ZNF200: variants seen among roughly 807,000 people sequenced by gnomAD.
ZNF200 encodes the protein zinc finger protein 200.
A neutral mutation model predicts 33.6 loss-of-function variants in ZNF200; 35 were observed. The ratio of observed to expected loss-of-function variants is 1.04; its 90% confidence interval spans 0.80 to 1.38. The LOEUF (loss-of-function observed/expected upper bound fraction) is 1.38. Among genes scored for constraint, ZNF200 ranks in the 40% most tolerant of loss-of-function variants. The pLI is 0.00. For missense variants in ZNF200, 592 were observed against 470.6 expected, an observed-to-expected ratio of 1.26 and a Z score of -2.39; for synonymous variants, 209 against 167.7, an observed-to-expected ratio of 1.25 and a Z score of -1.90.
intron 4 of ZNF200, among the ~76,000 whole-genome samples, chr16:3,231,523 G>A (rs1476913708): frequency 2.6e-5 from 4 of 152,188 alleles, no homozygotes; most frequent in East Asian, 1.9e-4. Flanking sequence ...ACATTTGTGC[G>A]GGCCTCTGCC....
chr16:3,233,749 C>T lies in ZNF200; in HGVS notation c.7G>A (p.Ala3Thr). The T allele has an allele frequency of 6.2e-7, 1 of 1,609,668 alleles. No individual in the cohort carries two copies. Among genetic ancestry groups the T allele is most frequent in the Non-Finnish European group, 8.5e-7 (1 of 1,177,890 alleles). ...GGGGGCATAGGAACCACTTTTGCAG[C>T]CATCATGCCTTGCAACCACACACCA... MM[A>T]AKVVPMPPKP... Residue 3 changes from alanine (A) to threonine (T), a missense_variant, in exon 2 of 5, where the codon GCT becomes ACT. Coordinates refer to ENST00000414144, the MANE Select transcript of ZNF200 (RefSeq NM_198088.3).
In ZNF200 at chr16:3,224,516, A is replaced by C. The variant is rs1958418831; in HGVS notation, c.564T>G (p.Asp188Glu). Residue 188 changes from aspartate (D) to glutamate (E), a missense_variant, in exon 5 of 5, where the codon GAT (aspartate) becomes GAG (glutamate). By Grantham distance (45) the Asp-to-Glu change is conservative (BLOSUM62 2). Coordinates refer to ENST00000414144, the MANE Select transcript of ZNF200 (RefSeq NM_198088.3). ...REKSSDDDEM[D>E]SSLVSQQPPD... ...GAGGCTGCTGAGAGACCAAGGAAGA[A>C]TCCATTTCATCATCATCTGAAGACT... 1 of 1,614,178 alleles carries C rather than the reference A, an allele frequency of 6.2e-7. No individual in the cohort carries two copies. The highest frequency in any genetic ancestry group is 8.5e-7 in the Non-Finnish European group (1 of 1,180,028).
In ZNF200 at chr16:3,223,800, T is replaced by A. The variant is rs967491291; in HGVS notation, c.*92A>T. On this transcript the variant is annotated 3_prime_UTR_variant, in exon 5 of 5. Coordinates refer to ENST00000414144, the MANE Select transcript of ZNF200 (RefSeq NM_198088.3). Reference sequence around the variant, plus strand: ...GGCAATAATGAGATTTTTACACATTTATACCTTTTTAGGCAGCTTGGGAAT... The same window carrying A: ...GGCAATAATGAGATTTTTACACATTAATACCTTTTTAGGCAGCTTGGGAAT... 1.3e-6 allele frequency: 2 copies of A among 1,495,012 alleles called. No individual in the cohort carries two copies. Among genetic ancestry groups the A allele is most frequent in the African/African-American group, 2.8e-5 (2 of 71,476 alleles). The allele number at this position is 1,495,012 out of a possible 1,614,324, so 92.6% of individuals were successfully genotyped here.
At position 3,224,603 on chromosome 16, in the gene ZNF200, G is replaced by C; in HGVS notation, c.477C>G (p.Gly159=). The change falls in exon 5 of 5, where the codon GGC becomes GGG. Residue 159 remains glycine, a synonymous_variant. Transcript: ENST00000414144. ...VGEMMLLAVN[G]SNPEGEDPER... ...CAGGATCTTCACCTTCAGGATTACTGCCATTGACTGCTGAAACAAAGAGAG... is the reference window on the plus strand; with the variant it reads ...CAGGATCTTCACCTTCAGGATTACTCCCATTGACTGCTGAAACAAAGAGAG... 1 of 1,588,876 alleles carries C rather than the reference G, an allele frequency of 6.3e-7. No individual in the cohort carries two copies. Among genetic ancestry groups the C allele is most frequent in the South Asian group, 1.1e-5 (1 of 88,400 alleles).
In ZNF200 at chr16:3,224,242, A is replaced by G; in HGVS notation, c.838T>C (p.Tyr280His). 6.2e-7 allele frequency: 1 copy of G among 1,614,176 alleles called. No homozygotes were observed. Among genetic ancestry groups the G allele is most frequent in the Non-Finnish European group, 8.5e-7 (1 of 1,180,032 alleles). The change falls in exon 5 of 5, where the codon TAT (tyrosine) becomes CAT (histidine). Residue 280 changes from tyrosine (Y) to histidine (H), a missense_variant. Transcript: ENST00000414144. ...HQRTHTGEKP[Y>H]DCNHCGKSFN... ...CTTTTCCCACAGTGATTACAGTCAT[A>G]GGGTTTTTCTCCAGTGTGGGTCCTC...
Position 3,223,784 on chromosome 16 carries a change from G to A in ZNF200, c.*108C>T. 12 of 1,448,746 alleles carry A rather than the reference G, an allele frequency of 8.3e-6. No individual in the cohort carries two copies. The highest frequency in any genetic ancestry group is 1.5e-5 in the South Asian group (1 of 66,694). 89.7% of individuals were successfully genotyped at this position (1,448,746 alleles called of 1,614,324 possible). On this transcript the variant is annotated 3_prime_UTR_variant, in exon 5 of 5. Transcript: ENST00000414144. ...GCATTTATCCAATTTTGGCAATAAT[G>A]AGATTTTTACACATTTATACCTTTT...
At chr16:3,224,730 A>G in intron 4 of ZNF200, 117 bp from the exon 5 acceptor site, 1 of 1,335,494 alleles carries the variant, frequency 7.5e-7, no homozygotes, top group Admixed American at 2.4e-5. Context: ...GGAGTGGCGG[A>G]TACTGCCGTC....
chr16:3,230,130 C>CCATG (rs1958597109), intron 4 of ZNF200, among the ~76,000 whole-genome samples: 1 of 152,234 alleles, frequency 6.6e-6, no homozygotes, highest in Non-Finnish European at 1.5e-5. Context: ...TCCTCTCTTG[C>CCATG]CATGTGAAGT....
Position 3,224,398 on chromosome 16 carries a change from G to A in ZNF200, c.682C>T (p.Leu228=), listed in dbSNP as rs117357111. Residue 228 remains leucine (L), a synonymous_variant, in exon 5 of 5, where the codon CTA becomes TTA. Coordinates refer to ENST00000414144, the MANE Select transcript of ZNF200 (RefSeq NM_198088.3). ...TCTACATATTTTGAGAGTTCCTCTAGAGGAGTATCATTCTCAATGGTAACT... is the reference window on the plus strand; with the variant it reads ...TCTACATATTTTGAGAGTTCCTCTAAAGGAGTATCATTCTCAATGGTAACT... ...LLVTIENDTP[L]EELSKYVDIS... 47 of 1,614,204 alleles carry A rather than the reference G, an allele frequency of 2.9e-5. No individual in the cohort carries two copies. The highest frequency in any genetic ancestry group is 3.9e-5 in the Non-Finnish European group (46 of 1,180,040).
chr16:3,231,110 C>T (rs1354731178), intron 4 of ZNF200, among the ~76,000 whole-genome samples: 4 of 152,036 alleles, frequency 2.6e-5, no homozygotes, highest in African/African-American at 4.8e-5. Flanking sequence ...CTTCAGGGTA[C>T]GGGTGGAGGA....
chr16:3,232,925 G>T lies in ZNF200; in HGVS notation c.251-4C>A. On this transcript the variant is annotated splice_region_variant and splice_polypyrimidine_tract_variant and intron_variant, in intron 2 of 4. Coordinates refer to ENST00000414144, the MANE Select transcript of ZNF200 (RefSeq NM_198088.3). ...TTCACCAAGGGACGAGGATGCACTG[G>T]GGAAAGAGGAAGGTTTAGTTAGTGA... The T allele has an allele frequency of 6.2e-7, 1 of 1,613,370 alleles. No individual in the cohort carries two copies. Among genetic ancestry groups the T allele is most frequent in the African/African-American group, 1.3e-5 (1 of 75,014 alleles).
chr16:3,232,370 T>C (rs1329235362), intron 4 of ZNF200, 51 bp downstream of exon 4: 1 of 1,594,468 alleles, frequency 6.3e-7, no homozygotes, highest in African/African-American at 1.3e-5. Flanking sequence ...ATGAAGGACA[T>C]GCTTTTCCCA....
intron 4 of ZNF200, among the ~76,000 whole-genome samples, chr16:3,230,869 C>T (rs913158758): frequency 1.3e-5 from 2 of 152,172 alleles, no homozygotes; most frequent in East Asian, 1.9e-4. Flanking sequence ...TACTCTGCCC[C>T]GGGTCCAAAT....
At chr16:3,232,134 G>C (rs987497922) in intron 4 of ZNF200, among the ~76,000 whole-genome samples, 5 of 152,162 alleles carry the variant, frequency 3.3e-5, no homozygotes, top group Non-Finnish European at 7.3e-5. Context: ...TGAGAACAGA[G>C]TTCAGAAAAT....
chr16:3,233,182 G>A (rs1211136918), intron 2 of ZNF200, among the ~76,000 whole-genome samples: 4 of 152,170 alleles, frequency 2.6e-5, no homozygotes, highest in Non-Finnish European at 5.9e-5. Flanking sequence ...TTAGGGCAAC[G>A]TAAAGTGTGA....
intron 4 of ZNF200, among the ~76,000 whole-genome samples, chr16:3,230,736 C>T (rs545913705): frequency 4.7e-4 from 71 of 152,122 alleles, no homozygotes; most frequent in Non-Finnish European, 9.0e-4. Flanking sequence ...ATTGATGGCT[C>T]CCCAATCCCT....
chr16:3,230,097 T>C (rs1958595664), intron 4 of ZNF200, among the ~76,000 whole-genome samples: 1 of 152,210 alleles, frequency 6.6e-6, no homozygotes, highest in South Asian at 2.1e-4. Flanking sequence ...TAAAAGAGCC[T>C]GGCACCTTCC....
intron 2 of ZNF200, 85 bp from the exon 3 acceptor site, chr16:3,233,006 C>T (rs1342709051): frequency 7.3e-6 from 9 of 1,235,478 alleles, no homozygotes; most frequent in Non-Finnish European, 4.6e-6. Flanking sequence ...AGGCTGTCCT[C>T]ATTCCTTTGA....
intron 4 of ZNF200, chr16:3,226,720 T>C (rs2141622242): frequency 6.6e-6 from 1 of 152,344 alleles, no homozygotes. Flanking sequence ...AATAATCTTC[T>C]TTGTACATCA....
Sources: allele counts gnomAD v4.1 joint callset (sites outside exome capture counted in the v4.1 genomes callset), GRCh38; gene constraint gnomAD v4.1.1; transcripts MANE v1.5; gene names NCBI Gene and HGNC (gene_info 2026-07-23, HGNC 2026-07-21).